The following ABCG2 variants were observed in gnomAD, a reference collection of about 807,000 sequenced individuals.
The protein encoded by ABCG2 is ATP binding cassette subfamily G member 2 (JR blood group), also known as broad substrate specificity ATP-binding cassette transporter ABCG2.
A neutral mutation model predicts 73.5 loss-of-function variants in ABCG2; 80 were observed. The observed-to-expected ratio is 1.09, with a 90% CI of 0.91 to 1.31. The LOEUF (loss-of-function observed/expected upper bound fraction) is 1.31. Among genes scored for constraint, ABCG2 ranks in the 50% most tolerant of loss-of-function variants. The pLI, the probability that ABCG2 is intolerant of heterozygous loss-of-function variation, is 0.00. For missense variants in ABCG2, 796 were observed against 786.2 expected (o/e 1.01, Z -0.15); for synonymous variants, 269 against 282.4 (o/e 0.95, Z 0.48).
At chr4:88,227,926 G>A (rs531326745) in intron 1 of ABCG2, among the ~76,000 whole-genome samples, 13 of 152,300 alleles carry the variant, frequency 8.5e-5, no homozygotes, top group African/African-American at 1.9e-4. Context: ...GCAAACCAGC[G>A]TTGAGTTTGA....
At chr4:88,138,906 G>C (rs1222274705) in intron 2 of ABCG2, among the ~76,000 whole-genome samples, 1 of 152,102 alleles carries the variant, frequency 6.6e-6, no homozygotes, top group African/African-American at 2.4e-5. Context: ...GCTTTGGGAG[G>C]CTGAGGCGGG....
intron 1 of ABCG2, among the ~76,000 whole-genome samples, chr4:88,209,594 T>G (rs375385245): frequency 8.9e-4 from 135 of 151,830 alleles, no homozygotes; most frequent in African/African-American, 3.2e-3. Flanking sequence ...GAGCCGGAGG[T>G]TGCAGTGAGC....
intron 1 of ABCG2, among the ~76,000 whole-genome samples, chr4:88,176,166 T>TTTTTTTTTTTTG: frequency 6.6e-6 from 1 of 151,820 alleles, no homozygotes; most frequent in African/African-American, 2.4e-5. Context: ...TGTTTTTTTT[T>TTTTTTTTTTTTG]TCTTTTTTTG....
chr4:88,128,176 C>A (rs1483641980), intron 5 of ABCG2, among the ~76,000 whole-genome samples: 1 of 152,156 alleles, frequency 6.6e-6, no homozygotes, highest in Non-Finnish European at 1.5e-5. Context: ...AAAAAAACTT[C>A]ATCATCACTG....
In ABCG2 at chr4:88,107,183, C is replaced by T; in HGVS notation, c.1277+1G>A. ...GAAAATCAAGATCCAAATTTACTTA[C>T]CTGTTCTGGATTCCAGTAGAATCAT... is the stretch of plus-strand genomic sequence containing the variant. On this transcript the variant is annotated splice_donor_variant, in intron 10 of 15. Transcript: ENST00000237612. LOFTEE classifies it high-confidence loss of function. The T allele has an allele frequency of 6.2e-7, 1 of 1,606,340 alleles. No homozygotes were observed. Among genetic ancestry groups the T allele is most frequent in the Non-Finnish European group, 8.5e-7 (1 of 1,174,456 alleles).
chr4:88,217,296 G>T (rs1166489521), intron 1 of ABCG2, among the ~76,000 whole-genome samples: 1 of 152,198 alleles, frequency 6.6e-6, no homozygotes, highest in South Asian at 2.1e-4. Context: ...GGGATACCCT[G>T]CAAGGTTGGG....
intron 1 of ABCG2, among the ~76,000 whole-genome samples, chr4:88,195,723 C>T (rs1728916264): frequency 6.6e-6 from 1 of 152,210 alleles, no homozygotes; most frequent in Non-Finnish European, 1.5e-5. Flanking sequence ...TATACACTGG[C>T]ATACTTCCGG....
chr4:88,211,720 A>G (rs1212830700), intron 1 of ABCG2, among the ~76,000 whole-genome samples: 1 of 152,086 alleles, frequency 6.6e-6, no homozygotes, highest in Non-Finnish European at 1.5e-5. Context: ...CCCGGCCGAG[A>G]ACTCTTTACT....
chr4:88,156,571 A>G (rs974598734), intron 1 of ABCG2, among the ~76,000 whole-genome samples: 5 of 152,160 alleles, frequency 3.3e-5, no homozygotes, highest in Admixed American at 6.5e-5. Flanking sequence ...AACTGAATCA[A>G]TGAACAGGAG....
chr4:88,198,976 A>T (rs1457912231), intron 1 of ABCG2, among the ~76,000 whole-genome samples: 2 of 151,880 alleles, frequency 1.3e-5, no homozygotes, highest in East Asian at 1.9e-4. Flanking sequence ...ATATATATAT[A>T]TTTTATTTTT....
At chr4:88,100,415 A>C (rs1432008973) in intron 11 of ABCG2, among the ~76,000 whole-genome samples, 1 of 151,776 alleles carries the variant, frequency 6.6e-6, no homozygotes, top group Non-Finnish European at 1.5e-5. Flanking sequence ...AGGGAGGAGA[A>C]TCGCTTGAAC....
At chr4:88,153,735 AG>A (rs1726714138) in intron 1 of ABCG2, among the ~76,000 whole-genome samples, 1 of 152,076 alleles carries the variant, frequency 6.6e-6, no homozygotes, top group Non-Finnish European at 1.5e-5. Flanking sequence ...CTACCTATCC[AG>A]TGAAAGTGTC....
At chr4:88,200,465 A>G (rs978677012) in intron 1 of ABCG2, among the ~76,000 whole-genome samples, 2 of 152,080 alleles carry the variant, frequency 1.3e-5, no homozygotes, top group African/African-American at 4.8e-5. Flanking sequence ...CACCATGTGT[A>G]GCCAAAAGAT....
intron 1 of ABCG2, among the ~76,000 whole-genome samples, chr4:88,193,814 G>C (rs1287512510): frequency 6.6e-6 from 1 of 152,214 alleles, no homozygotes; most frequent in Admixed American, 6.5e-5. Flanking sequence ...GCATGATCTT[G>C]GCTCACTGCA....
chr4:88,160,618 G>A (rs962452118), upstream of ABCG2, among the ~76,000 whole-genome samples: 18 of 152,188 alleles, frequency 1.2e-4, no homozygotes, highest in East Asian at 3.1e-3. Flanking sequence ...GGGAGGCCGA[G>A]GCAGGTGGAT....
At chr4:88,221,043 C>A (rs1005640601) in intron 1 of ABCG2, among the ~76,000 whole-genome samples, 4 of 152,042 alleles carry the variant, frequency 2.6e-5, no homozygotes, top group African/African-American at 9.7e-5. Context: ...CCAAGGTGGG[C>A]GGATCACTTG....
chr4:88,112,948 C>G (rs1723240948), intron 9 of ABCG2, among the ~76,000 whole-genome samples: 2 of 151,808 alleles, frequency 1.3e-5, no homozygotes. Context: ...CATCTCTACA[C>G]AAAACACAAA....
At chr4:88,223,478 C>G (rs1730085059) in intron 1 of ABCG2, among the ~76,000 whole-genome samples, 1 of 152,134 alleles carries the variant, frequency 6.6e-6, no homozygotes, top group South Asian at 2.1e-4. Flanking sequence ...CTTTCCACCC[C>G]CTCACTCTGC....
chr4:88,217,912 G>C (rs898404168), intron 1 of ABCG2, among the ~76,000 whole-genome samples: 3 of 151,180 alleles, frequency 2.0e-5, no homozygotes, highest in Non-Finnish European at 4.4e-5. Flanking sequence ...GCTGCAGTGA[G>C]CTATGATCAT....
Sources: allele counts gnomAD v4.1 joint callset (sites outside exome capture counted in the v4.1 genomes callset), GRCh38; gene constraint gnomAD v4.1.1; transcripts MANE v1.5; gene names NCBI Gene and HGNC (gene_info 2026-07-23, HGNC 2026-07-21).